GRID2: variants seen among roughly 807,000 people sequenced by gnomAD.
GRID2 encodes the protein glutamate ionotropic receptor delta type subunit 2.
A neutral mutation model predicts 114.8 loss-of-function variants in GRID2; 33 were observed. That is an observed-to-expected ratio of 0.29 (90% CI 0.22 to 0.38). The LOEUF (loss-of-function observed/expected upper bound fraction) is 0.38. Among genes scored for constraint, GRID2 ranks in the 10% least tolerant of loss-of-function variants. GRID2 has a pLI of 1.00. For synonymous variants in GRID2, 505 were observed against 449.9 expected (o/e 1.12, Z -1.55); for missense variants, 1,184 against 1,257.7 (o/e 0.94, Z 0.89).
chr4:93,398,095 A>G (rs1359793156), intron 9 of GRID2, among the ~76,000 whole-genome samples: 2 of 135,378 alleles, frequency 1.5e-5, no homozygotes, highest in Non-Finnish European at 3.0e-5. Context: ...GGAAACTGAG[A>G]CATCCAGAAG....
chr4:93,700,091 A>G (rs1727377697), intron 14 of GRID2, among the ~76,000 whole-genome samples: 2 of 152,274 alleles, frequency 1.3e-5, no homozygotes, highest in South Asian at 2.1e-4. Context: ...TTAAAAAATT[A>G]CCCAAAGATA....
chr4:93,028,876 C>T (rs1724133021), intron 2 of GRID2, among the ~76,000 whole-genome samples: 1 of 151,910 alleles, frequency 6.6e-6, no homozygotes, highest in Non-Finnish European at 1.5e-5. Flanking sequence ...AAAAGTGTGA[C>T]TTACAATTTC....
intron 4 of GRID2, among the ~76,000 whole-genome samples, chr4:93,171,467 T>G (rs1006445259): frequency 3.9e-5 from 6 of 152,252 alleles, no homozygotes; most frequent in Non-Finnish European, 8.8e-5. Context: ...GAAATTATCC[T>G]CATCTAACAT....
Position 93,611,007 on chromosome 4 carries a change from A to G in GRID2, c.2194-15262A>G, listed in dbSNP as rs1313602243. Among the ~76,000 whole-genome samples, 2 of 131,068 alleles carry G rather than the reference A, an allele frequency of 1.5e-5. 1 individual carries two copies. The highest frequency in any genetic ancestry group is 3.2e-5 in the Non-Finnish European group (2 of 61,540). The allele number at this position is 131,068 out of a possible 152,430, so 86.0% of individuals were successfully genotyped here. A position where few individuals can be genotyped will look rare whatever the true frequency, so the allele number is the denominator to read the frequency against. On this transcript the variant is annotated intron_variant, in intron 13 of 15. Transcript: ENST00000282020. ...CAATTTCAGAGCCTGTTATTGGTCT[A>G]TTCAGAGATTCAACTTCTTCCTGGT...
At chr4:93,254,440 T>TATCC (rs1425522668) in intron 8 of GRID2, among the ~76,000 whole-genome samples, 2 of 152,138 alleles carry the variant, frequency 1.3e-5, no homozygotes, top group African/African-American at 4.8e-5. Context: ...GAAAACCACT[T>TATCC]ATCCACTGAA....
intron 2 of GRID2, among the ~76,000 whole-genome samples, chr4:92,730,959 G>A (rs1484952711): frequency 6.6e-6 from 1 of 151,858 alleles, no homozygotes; most frequent in African/African-American, 2.4e-5. Context: ...TTAAATCATT[G>A]AATGCAGTGA....
rs188816957 is a variant in GRID2 at position 92,481,250 on chromosome 4, A to G, written c.89-108881A>G. ...TTATAGGCTTCTAATTTTTTCTGTA[A>G]TCTTATAGAGTACCCTTAAAGTTCC... is the stretch of plus-strand genomic sequence containing the variant. On this transcript the variant is annotated intron_variant, in intron 1 of 15. Coordinates refer to ENST00000282020, the MANE Select transcript of GRID2 (RefSeq NM_001510.4). Among the ~76,000 whole-genome samples, 17 of 152,220 alleles carry G rather than the reference A, an allele frequency of 1.1e-4. No homozygotes were observed. In the East Asian group the frequency reaches 2.7e-3, roughly 24 times the overall value.
chr4:93,596,781 T>C (rs1345080992), intron 13 of GRID2, among the ~76,000 whole-genome samples: 1 of 150,620 alleles, frequency 6.6e-6, no homozygotes, highest in Non-Finnish European at 1.5e-5. Context: ...ATCTGTCTCA[T>C]TGTTGGATAT....
chr4:92,441,264 G>GC (rs1733057031), intron 1 of GRID2, among the ~76,000 whole-genome samples: 1 of 152,108 alleles, frequency 6.6e-6, no homozygotes, highest in African/African-American at 2.4e-5. Flanking sequence ...TGAGAATTAT[G>GC]CCGAGATAGG....
intron 1 of GRID2, among the ~76,000 whole-genome samples, chr4:92,534,698 T>C (rs558859712): frequency 1.4e-4 from 21 of 152,302 alleles, no homozygotes; most frequent in African/African-American, 5.1e-4. Flanking sequence ...GTCACAGTCG[T>C]GATTAGGAAT....
chr4:93,292,485 T>C (rs1419241863), intron 8 of GRID2, among the ~76,000 whole-genome samples: 1 of 152,180 alleles, frequency 6.6e-6, no homozygotes, highest in Non-Finnish European at 1.5e-5. Context: ...AACATAGCTA[T>C]TCTTTTAGGC....
chr4:92,756,383 G>C (rs752125426), intron 2 of GRID2, among the ~76,000 whole-genome samples: 1 of 151,954 alleles, frequency 6.6e-6, no homozygotes, highest in Non-Finnish European at 1.5e-5. Context: ...TTGCTATTGC[G>C]TAGTGCCGCA....
At chr4:93,742,082 A>G (rs749506081) in intron 14 of GRID2, among the ~76,000 whole-genome samples, 47 of 152,224 alleles carry the variant, frequency 3.1e-4, no homozygotes, top group Non-Finnish European at 6.0e-4. Context: ...ATACAATTAA[A>G]CTTTTTTTCT....
chr4:92,756,251 A>G (rs758619929), intron 2 of GRID2, among the ~76,000 whole-genome samples: 1 of 152,052 alleles, frequency 6.6e-6, no homozygotes, highest in South Asian at 2.1e-4. Context: ...ATTTCCATCA[A>G]TGTTGCTGTA....
At chr4:93,078,408 C>A (rs914018787) in intron 2 of GRID2, among the ~76,000 whole-genome samples, 4 of 151,802 alleles carry the variant, frequency 2.6e-5, no homozygotes, top group Non-Finnish European at 5.9e-5. Flanking sequence ...TCTGTCTCAC[C>A]CATTATACTC....
intron 14 of GRID2, among the ~76,000 whole-genome samples, chr4:93,723,193 A>G (rs1034365378): frequency 2.0e-5 from 3 of 152,222 alleles, no homozygotes; most frequent in African/African-American, 4.8e-5. Flanking sequence ...AACTTCATTC[A>G]TCCTATGCTA....
intron 2 of GRID2, among the ~76,000 whole-genome samples, chr4:92,751,751 C>T (rs1737464951): frequency 6.6e-6 from 1 of 152,136 alleles, no homozygotes; most frequent in Non-Finnish European, 1.5e-5. Flanking sequence ...TTTTGACATT[C>T]ATAGTCATTT....
intron 14 of GRID2, among the ~76,000 whole-genome samples, chr4:93,764,436 C>A (rs573660409): frequency 1.3e-5 from 2 of 152,008 alleles, no homozygotes; most frequent in African/African-American, 2.4e-5. Context: ...AAGTATGTAC[C>A]GGAACAGGTC....
At chr4:93,566,963 C>T (rs1192596433) in intron 13 of GRID2, among the ~76,000 whole-genome samples, 1 of 146,302 alleles carries the variant, frequency 6.8e-6, no homozygotes. Context: ...AAAGTATCCT[C>T]CCTTCTGTGC....
Sources: gnomAD v4.1 joint callset for allele counts (sites outside exome capture counted in the v4.1 genomes callset) on GRCh38, gnomAD v4.1.1 for gene constraint, MANE v1.5 for transcripts, NCBI Gene and HGNC (gene_info 2026-07-23, HGNC 2026-07-21) for gene names.